The following RBFOX3 variants were observed in gnomAD, a reference collection of about 807,000 sequenced individuals.
RBFOX3 encodes the protein RNA binding protein fox-1 homolog 3.
A neutral mutation model predicts 48.7 loss-of-function variants in RBFOX3; 17 were observed. The observed-to-expected ratio is 0.35, with a 90% CI of 0.24 to 0.52. The LOEUF is 0.52. Among genes scored for constraint, RBFOX3 ranks in the 20% least tolerant of loss-of-function variants. RBFOX3 has a pLI of 0.94. For synonymous variants in RBFOX3, 212 were observed against 209.5 expected, an observed-to-expected ratio of 1.01 and a Z score of -0.10; for missense variants, 382 against 497.5, an observed-to-expected ratio of 0.77 and a Z score of 2.21.
rs1369430776 is a variant in RBFOX3 at position 79,480,779 on chromosome 17, G to A, written c.-175+1675C>T. On this transcript the variant is annotated intron_variant, in intron 2 of 14. Coordinates refer to ENST00000693108, the MANE Select transcript of RBFOX3 (RefSeq NM_001350451.2). The surrounding 1 kb of genome is among the most constrained non-coding windows in gnomAD (Gnocchi z 4.8). ...ACCGGGGCCTGCCCTTCTGTCCTGG[G>A]CAACTGCAGCCCCCACCATTCCCCG... Among the ~76,000 whole-genome samples, 3 of 152,144 alleles carry A rather than the reference G, an allele frequency of 2.0e-5. No individual in the cohort carries two copies. Among genetic ancestry groups the A allele is most frequent in the Non-Finnish European group, 4.4e-5 (3 of 68,028 alleles).
intron 2 of RBFOX3, among the ~76,000 whole-genome samples, chr17:79,351,146 G>C (rs1281745539): frequency 6.6e-6 from 1 of 152,206 alleles, no homozygotes; most frequent in Non-Finnish European, 1.5e-5. Context: ...CACATTTTGT[G>C]TATCTGTTCA....
intron 2 of RBFOX3, among the ~76,000 whole-genome samples, chr17:79,359,120 G>A (rs1362851728): frequency 6.6e-6 from 1 of 152,206 alleles, no homozygotes; most frequent in Non-Finnish European, 1.5e-5. Flanking sequence ...TATGAGTGAG[G>A]AAGTAAGATT....
intron 1 of RBFOX3, among the ~76,000 whole-genome samples, chr17:79,553,852 C>T (rs2091375898): frequency 1.3e-5 from 2 of 152,144 alleles, no homozygotes; most frequent in East Asian, 3.9e-4. Flanking sequence ...CCTGCCTCAG[C>T]CTCCCAAGTA....
chr17:79,588,422 C>G (rs2093318710), intron 1 of RBFOX3, among the ~76,000 whole-genome samples: 1 of 152,148 alleles, frequency 6.6e-6, no homozygotes, highest in South Asian at 2.1e-4. Context: ...AAATCCTCCT[C>G]CTGCCACTCC....
chr17:79,334,588 C>T (rs1427342748), intron 2 of RBFOX3, among the ~76,000 whole-genome samples: 1 of 152,112 alleles, frequency 6.6e-6, no homozygotes, highest in Non-Finnish European at 1.5e-5. Context: ...CATATGTGCA[C>T]AAAAGTTTGC....
At position 79,103,979 on chromosome 17, in the gene RBFOX3, C is replaced by G. The variant is rs568262525; in HGVS notation, c.414+94G>C. On this transcript the variant is annotated intron_variant, in intron 7 of 14. Coordinates refer to ENST00000693108, the MANE Select transcript of RBFOX3 (RefSeq NM_001350451.2). The surrounding 1 kb of genome is among the most constrained non-coding windows in gnomAD (Gnocchi z 6.1). ...CGTGTCGCTCAGGGGTCCTCGGGCGCGAAGCTCTCCAGGAAGGAAACGCAC... is the reference window on the plus strand; with the variant it reads ...CGTGTCGCTCAGGGGTCCTCGGGCGGGAAGCTCTCCAGGAAGGAAACGCAC... 8.7e-7 allele frequency: 1 copy of G among 1,146,082 alleles called. No individual in the cohort carries two copies. The highest frequency in any genetic ancestry group is 1.3e-6 in the Non-Finnish European group (1 of 782,416). 71.0% of individuals were successfully genotyped at this position (1,146,082 alleles called of 1,614,324 possible). A position where few individuals can be genotyped will look rare whatever the true frequency, so the allele number is the denominator to read the frequency against.
chr17:79,097,478 G>C, intron 10 of RBFOX3, 54 bp from the exon 11 acceptor site: 3 of 1,484,094 alleles, frequency 2.0e-6, no homozygotes, highest in Non-Finnish European at 1.8e-6. Flanking sequence ...GACCCACCTG[G>C]CACCCCCTCC....
intron 2 of RBFOX3, among the ~76,000 whole-genome samples, chr17:79,318,671 G>A (rs979070062): frequency 7.9e-5 from 12 of 151,716 alleles, no homozygotes; most frequent in African/African-American, 2.9e-4. Context: ...TGGCTAACAC[G>A]GCGAAACCCT....
At chr17:79,185,724 T>G (rs577229158) in intron 4 of RBFOX3, among the ~76,000 whole-genome samples, 5 of 152,322 alleles carry the variant, frequency 3.3e-5, no homozygotes, top group East Asian at 3.9e-4. Flanking sequence ...TCCTGTGGAA[T>G]CCAAGCCTCA....
intron 1 of RBFOX3, among the ~76,000 whole-genome samples, chr17:79,493,519 T>C (rs2081004364): frequency 6.6e-6 from 1 of 152,088 alleles, no homozygotes; most frequent in African/African-American, 2.4e-5. Context: ...ATCACATCTC[T>C]CAGATCCCAC....
intron 3 of RBFOX3, among the ~76,000 whole-genome samples, chr17:79,262,953 G>A (rs1381928745): frequency 1.3e-5 from 2 of 152,374 alleles, no homozygotes; most frequent in South Asian, 4.1e-4. Flanking sequence ...ACACTTGCTG[G>A]GCTGATGAAC....
intron 2 of RBFOX3, among the ~76,000 whole-genome samples, chr17:79,318,679 CCT>C (rs2077894033): frequency 6.6e-6 from 1 of 151,476 alleles, no homozygotes; most frequent in African/African-American, 2.4e-5. Flanking sequence ...ACGGCGAAAC[CCT>C]GTCTCTACTA....
chr17:79,651,771 C>T, the RBFOX3 span, among the ~76,000 whole-genome samples: 4 of 143,704 alleles, frequency 2.8e-5, no homozygotes, highest in African/African-American at 1.0e-4. Flanking sequence ...CTCCCCCTCC[C>T]TCTCCCTGTC....
chr17:79,474,920 C>T (rs1482288179), intron 2 of RBFOX3, among the ~76,000 whole-genome samples: 1 of 152,138 alleles, frequency 6.6e-6, no homozygotes, highest in Non-Finnish European at 1.5e-5. Flanking sequence ...CAATTCATTC[C>T]TTCCACACCT....
intron 3 of RBFOX3, among the ~76,000 whole-genome samples, chr17:79,286,937 C>T (rs1443900360): frequency 1.4e-4 from 22 of 152,168 alleles, no homozygotes; most frequent in Non-Finnish European, 1.0e-4. Context: ...CCTAATCCAC[C>T]CTATGTGCGT....
chr17:79,651,089 C>T, the RBFOX3 span, among the ~76,000 whole-genome samples: 1 of 152,234 alleles, frequency 6.6e-6, no homozygotes, highest in Non-Finnish European at 1.5e-5. Flanking sequence ...GAGTTCCAAA[C>T]ACACGCACTG....
the RBFOX3 span, among the ~76,000 whole-genome samples, chr17:79,620,725 AC>A: frequency 6.6e-6 from 1 of 151,540 alleles, no homozygotes; most frequent in South Asian, 2.1e-4. Context: ...TTCTCAGGCG[AC>A]CCCCTCCACA....
chr17:79,549,249 A>G (rs2090881419), intron 1 of RBFOX3, among the ~76,000 whole-genome samples: 1 of 152,212 alleles, frequency 6.6e-6, no homozygotes, highest in Non-Finnish European at 1.5e-5. Context: ...TTGAAGTCCT[A>G]AGGGAGGTTG....
At chr17:79,526,465 G>A (rs1229478545) in intron 1 of RBFOX3, among the ~76,000 whole-genome samples, 3 of 152,206 alleles carry the variant, frequency 2.0e-5, no homozygotes, top group South Asian at 2.1e-4. Flanking sequence ...CTGTGCCTCC[G>A]CCACTGACAA....
Sources: gnomAD v4.1 joint callset for allele counts (sites outside exome capture counted in the v4.1 genomes callset) on GRCh38, gnomAD v4.1.1 for gene constraint, Gnocchi (gnomAD v3.1) non-coding constraint, MANE v1.5 for transcripts, NCBI Gene and HGNC (gene_info 2026-07-23, HGNC 2026-07-21) for gene names.